Variants in MGAT4C observed in about 807,000 individuals in gnomAD.
MGAT4C encodes the protein MGAT4 family member C, also known as alpha-1,3-mannosyl-glycoprotein 4-beta-N-acetylglucosaminyltransferase C.
MGAT4C carries 19 observed loss-of-function variants against 40.1 expected under a neutral mutation model. The ratio of observed to expected loss-of-function variants is 0.47; its 90% confidence interval spans 0.33 to 0.70. The LOEUF is 0.70. MGAT4C is among the 30% of genes least tolerant of loss of function. The pLI, the probability that MGAT4C is intolerant of heterozygous loss-of-function variation, is 0.02. For synonymous variants in MGAT4C, 181 were observed against 187.1 expected (o/e 0.97, Z 0.27); for missense variants, 491 against 563.2 (o/e 0.87, Z 1.30).
At chr12:86,115,646 A>G (rs975958324) in intron 1 of MGAT4C, among the ~76,000 whole-genome samples, 2 of 152,074 alleles carry the variant, frequency 1.3e-5, no homozygotes, top group African/African-American at 4.8e-5. Context: ...AGAATAATTC[A>G]TTGTAAGTTT....
At chr12:86,531,532 T>C (rs1348512152) in intron 2 of MGAT4C, among the ~76,000 whole-genome samples, 1 of 152,058 alleles carries the variant, frequency 6.6e-6, no homozygotes, top group Non-Finnish European at 1.5e-5. Flanking sequence ...GTCAAAACAA[T>C]GAAGACAGCA....
chr12:86,690,644 A>T (rs1950156868), intron 2 of MGAT4C, among the ~76,000 whole-genome samples: 1 of 152,136 alleles, frequency 6.6e-6, no homozygotes, highest in Non-Finnish European at 1.5e-5. Context: ...GGGCTGCAGA[A>T]GTCCCAGTGA....
chr12:86,034,980 G>T (rs2136917628), intron 2 of MGAT4C, among the ~76,000 whole-genome samples: 1 of 149,982 alleles, frequency 6.7e-6, no homozygotes, highest in Non-Finnish European at 1.5e-5. Flanking sequence ...GTCTATCACT[G>T]ATGGGCATTT....
At position 86,631,536 on chromosome 12, in the gene MGAT4C, G is replaced by T. The variant is rs1593062902; in HGVS notation, c.-229+95673C>A. 2.0e-5 allele frequency among the ~76,000 whole-genome samples: 3 copies of T among 151,964 alleles called. No individual in the cohort carries two copies. The East Asian group carries it at 5.8e-4, about 29-fold the overall frequency. On this transcript the variant is annotated intron_variant, in intron 2 of 7. Transcript: ENST00000548651. Reference sequence around the variant, plus strand: ...AAGGCTACAGTAACCAAAACAGAATGGTACTGGTACCAAAACAGACATATA... The same window carrying T: ...AAGGCTACAGTAACCAAAACAGAATTGTACTGGTACCAAAACAGACATATA...
At chr12:86,138,750 G>T (rs1882406963) in intron 1 of MGAT4C, among the ~76,000 whole-genome samples, 1 of 151,132 alleles carries the variant, frequency 6.6e-6, no homozygotes, top group Non-Finnish European at 1.5e-5. Context: ...CTCACACTAT[G>T]GAGGAAAATT....
intron 1 of MGAT4C, among the ~76,000 whole-genome samples, chr12:86,179,175 G>T (rs779244111): frequency 1.2e-4 from 19 of 152,062 alleles, no homozygotes; most frequent in Non-Finnish European, 2.6e-4. Context: ...AGATCTGATG[G>T]GTTTATCAGG....
At chr12:86,335,310 C>T (rs1208730046) in intron 3 of MGAT4C, among the ~76,000 whole-genome samples, 1 of 152,082 alleles carries the variant, frequency 6.6e-6, no homozygotes, top group African/African-American at 2.4e-5. Context: ...TAAATCTTCT[C>T]TCTGCACCTT....
rs572420895 is a variant in MGAT4C at position 86,536,947 on chromosome 12, A to G, written c.-228-101682T>C. ...TGTTTATTGAGGCACTATTCACAATAGCAAAGACTTGGAACCAACCCAAAT... is the reference window on the plus strand; with the variant it reads ...TGTTTATTGAGGCACTATTCACAATGGCAAAGACTTGGAACCAACCCAAAT... On this transcript the variant is annotated intron_variant, in intron 2 of 7. Coordinates refer to the MGAT4C transcript ENST00000548651. Among the ~76,000 whole-genome samples the G allele has an allele frequency of 1.1e-3, 173 of 152,290 alleles. 2 individuals are homozygous for G. Among genetic ancestry groups the G allele is most frequent in the Middle Eastern group, 0.01 (3 of 294 alleles).
chr12:86,098,014 C>G (rs918872136), intron 1 of MGAT4C, among the ~76,000 whole-genome samples: 1 of 151,650 alleles, frequency 6.6e-6, no homozygotes, highest in African/African-American at 2.4e-5. Flanking sequence ...GCCTGAATTA[C>G]ATTTAGTATC....
In MGAT4C at chr12:86,621,432, A is replaced by G. The variant is rs375404391; in HGVS notation, c.-229+105777T>C. Among the ~76,000 whole-genome samples, 647 of 152,234 alleles carry G rather than the reference A, an allele frequency of 4.3e-3. 5 individuals carry two copies. The highest frequency in any genetic ancestry group is 0.015 in the African/African-American group (621 of 41,546). ...ACAACTTACTATATTGAGAGTATAGATGGTTCCTGAATTATAATGTTTGCT... is the reference window on the plus strand; with the variant it reads ...ACAACTTACTATATTGAGAGTATAGGTGGTTCCTGAATTATAATGTTTGCT... On this transcript the variant is annotated intron_variant, in intron 2 of 7. Transcript: ENST00000548651.
intron 3 of MGAT4C, among the ~76,000 whole-genome samples, chr12:86,361,790 C>T (rs1349874917): frequency 1.3e-5 from 2 of 152,176 alleles, no homozygotes; most frequent in African/African-American, 4.8e-5. Flanking sequence ...AATGAGATAC[C>T]ATCTCACACC....
intron 2 of MGAT4C, among the ~76,000 whole-genome samples, chr12:86,007,283 T>C (rs116361725): frequency 1.9e-3 from 296 of 152,288 alleles, no homozygotes; most frequent in African/African-American, 6.8e-3. Flanking sequence ...GGGCTTTATT[T>C]CAATACTGCA....
chr12:86,327,898 G>T (rs1335041742), intron 4 of MGAT4C, among the ~76,000 whole-genome samples: 2 of 152,030 alleles, frequency 1.3e-5, no homozygotes, highest in Non-Finnish European at 2.9e-5. Context: ...CCCACTGACA[G>T]CTTAAGGTTT....
chr12:86,295,763 A>C (rs1052461435), intron 4 of MGAT4C, among the ~76,000 whole-genome samples: 1 of 152,136 alleles, frequency 6.6e-6, no homozygotes, highest in Non-Finnish European at 1.5e-5. Context: ...AGTTAGATAC[A>C]GAGTTTCGAC....
chr12:86,006,244 T>A (rs1313115373), intron 2 of MGAT4C, among the ~76,000 whole-genome samples: 1 of 152,080 alleles, frequency 6.6e-6, no homozygotes, highest in Admixed American at 6.6e-5. Flanking sequence ...GCCGCTGCCA[T>A]CCCCACTTCC....
chr12:86,566,688 A>C (rs1282708403), intron 2 of MGAT4C, among the ~76,000 whole-genome samples: 3 of 145,746 alleles, frequency 2.1e-5, no homozygotes, highest in Non-Finnish European at 4.5e-5. Flanking sequence ...ATATATGTAT[A>C]TATTATATGT....
At chr12:86,677,808 A>G (rs1265974601) in intron 2 of MGAT4C, among the ~76,000 whole-genome samples, 1 of 152,156 alleles carries the variant, frequency 6.6e-6, no homozygotes, top group Non-Finnish European at 1.5e-5. Flanking sequence ...AAATGCAGTT[A>G]TTAATTTAGC....
chr12:86,277,477 T>C (rs1953104700), intron 4 of MGAT4C, among the ~76,000 whole-genome samples: 1 of 152,216 alleles, frequency 6.6e-6, no homozygotes, highest in African/African-American at 2.4e-5. Flanking sequence ...CCCAGTCCAC[T>C]GTCCTGGAGA....
At chr12:86,787,941 G>A (rs1329901476) in intron 1 of MGAT4C, among the ~76,000 whole-genome samples, 4 of 152,132 alleles carry the variant, frequency 2.6e-5, no homozygotes, top group Non-Finnish European at 5.9e-5. Flanking sequence ...TTAGGAAAGT[G>A]TGGACTGTGT....
Sources: allele counts gnomAD v4.1 joint callset (sites outside exome capture counted in the v4.1 genomes callset), GRCh38; gene constraint gnomAD v4.1.1; transcripts MANE v1.5; gene names NCBI Gene and HGNC (gene_info 2026-07-23, HGNC 2026-07-21).